NAV2: variants seen among roughly 807,000 people sequenced by gnomAD.
NAV2 encodes the protein helicase, APC down-regulated 1.
A neutral mutation model predicts 223.2 loss-of-function variants in NAV2; 54 were observed. That is an observed-to-expected ratio of 0.24 (90% confidence interval 0.19 to 0.30). The LOEUF (loss-of-function observed/expected upper bound fraction) is 0.30. Ranked by LOEUF, NAV2 falls within the 10% of genes least tolerant of loss-of-function variation. The pLI is 1.00. For synonymous variants in NAV2, 1,279 were observed against 1,239.3 expected (o/e 1.03, Z -0.67); for missense variants, 2,806 against 3,147.5 (o/e 0.89, Z 2.60).
chr11:19,459,607 G>A (rs1226295933), intron 1 of NAV2, among the ~76,000 whole-genome samples: 2 of 152,194 alleles, frequency 1.3e-5, no homozygotes, highest in Non-Finnish European at 2.9e-5. Flanking sequence ...TGTTTCCATA[G>A]AGCCATCTAA....
intron 1 of NAV2, among the ~76,000 whole-genome samples, chr11:19,366,800 A>C (rs930113058): frequency 3.9e-5 from 6 of 152,204 alleles, no homozygotes; most frequent in African/African-American, 1.4e-4. Context: ...GAGAATGTGC[A>C]TAGTGAGATC....
At chr11:19,938,672 G>A (rs928976610) in intron 7 of NAV2, among the ~76,000 whole-genome samples, 2 of 152,174 alleles carry the variant, frequency 1.3e-5, no homozygotes, top group Non-Finnish European at 2.9e-5. Context: ...GTACTCATAA[G>A]GCCTCAGCAG....
chr11:19,546,528 C>T (rs4757005), intron 1 of NAV2, among the ~76,000 whole-genome samples: 1,738 of 152,250 alleles, frequency 0.011, 18 homozygotes, highest in Admixed American at 0.019. Context: ...CAGGGTGGGG[C>T]GGCTTCATGA....
intron 1 of NAV2, among the ~76,000 whole-genome samples, chr11:19,755,208 A>G (rs2054137942): frequency 6.6e-6 from 1 of 152,252 alleles, no homozygotes; most frequent in South Asian, 2.1e-4. Context: ...TCAACTCACC[A>G]CAACAGTCCT....
intron 1 of NAV2, among the ~76,000 whole-genome samples, chr11:19,626,360 G>A (rs2047170596): frequency 6.6e-6 from 1 of 152,126 alleles, no homozygotes; most frequent in Admixed American, 6.6e-5. Flanking sequence ...TAATTTCTGG[G>A]TTCTCTATTC....
chr11:19,793,072 G>T (rs937864253), intron 1 of NAV2, among the ~76,000 whole-genome samples: 1 of 151,904 alleles, frequency 6.6e-6, no homozygotes, highest in African/African-American at 2.4e-5. Context: ...AGCTGGGCAT[G>T]GTGGTGGGCA....
At chr11:19,914,229 G>A (rs145273878) in intron 6 of NAV2, among the ~76,000 whole-genome samples, 345 of 152,334 alleles carry the variant, frequency 2.3e-3, no homozygotes, top group African/African-American at 8.0e-3. Context: ...GGAAGACCCA[G>A]TGTCCTTTTT....
intron 32 of NAV2, among the ~76,000 whole-genome samples, chr11:20,102,031 G>A (rs1270791763): frequency 6.6e-6 from 1 of 152,154 alleles, no homozygotes; most frequent in Non-Finnish European, 1.5e-5. Flanking sequence ...GTTTGAGGCT[G>A]GGTATCTGCA....
intron 1 of NAV2, among the ~76,000 whole-genome samples, chr11:19,427,053 C>T (rs1004674683): frequency 1.3e-5 from 2 of 152,080 alleles, no homozygotes; most frequent in African/African-American, 4.8e-5. Context: ...AGCAGCTGAC[C>T]GGGACACTCT....
rs147374549 is a variant in NAV2 at position 19,686,703 on chromosome 11, C to G, written c.76-145781C>G. 3.4e-3 allele frequency among the ~76,000 whole-genome samples: 514 copies of G among 152,326 alleles called. 4 individuals are homozygous for G. The highest frequency in any genetic ancestry group is 0.011 in the African/African-American group (469 of 41,570). ...GCAGCATGTTATCATGGAGAGAGCT[C>G]CACAGTCCTAGACTCGAGGAGGCCC... On this transcript the variant is annotated intron_variant, in intron 1 of 37. Coordinates refer to the NAV2 transcript ENST00000360655.
chr11:19,944,541 C>T (rs1012346155), intron 8 of NAV2, among the ~76,000 whole-genome samples: 6 of 148,552 alleles, frequency 4.0e-5, no homozygotes, highest in East Asian at 2.0e-4. Context: ...CTTTCCATTC[C>T]GTTCCATTTC....
intron 1 of NAV2, among the ~76,000 whole-genome samples, chr11:19,619,161 A>G (rs1439101456): frequency 2.6e-5 from 4 of 151,196 alleles, no homozygotes; most frequent in African/African-American, 9.7e-5. Context: ...TCTATCATTG[A>G]TGGGCATTTG....
chr11:19,472,706 A>T (rs2042001396), intron 1 of NAV2, among the ~76,000 whole-genome samples: 1 of 152,118 alleles, frequency 6.6e-6, no homozygotes, highest in South Asian at 2.1e-4. Context: ...TCCTCCCTTG[A>T]TGCTGTTTCC....
chr11:19,820,555 CCAGGGAGTTTA>C (rs2059317011), intron 1 of NAV2, among the ~76,000 whole-genome samples: 2 of 152,150 alleles, frequency 1.3e-5, no homozygotes, highest in South Asian at 4.1e-4. Flanking sequence ...ATTTGATTTT[CCAGGGAGTTTA>C]CAGGGAGAGC....
chr11:20,096,516 A>T (rs1303224523), intron 30 of NAV2, among the ~76,000 whole-genome samples: 1 of 152,178 alleles, frequency 6.6e-6, no homozygotes, highest in African/African-American at 2.4e-5. Flanking sequence ...ATATTATCCC[A>T]TTTAAAGGTG....
chr11:19,499,704 T>C lies in NAV2; in HGVS notation c.75+148677T>C, dbSNP rs373875371. Among the ~76,000 whole-genome samples, 184 of 152,268 alleles carry C rather than the reference T, an allele frequency of 1.2e-3. 7 individuals are homozygous for C. In the South Asian group the frequency reaches 0.038, roughly 31 times the overall value. The stretch of plus-strand genomic sequence containing the variant: ...GGGTTATTGTGTAGAGTAAATGTGA[T>C]AATATAAGGTTCACAGCTATATCCT... On this transcript the variant is annotated intron_variant, in intron 1 of 37. Coordinates refer to the NAV2 transcript ENST00000360655.
intron 1 of NAV2, among the ~76,000 whole-genome samples, chr11:19,827,305 A>T (rs7944996): frequency 0.98 from 149,918 of 152,230 alleles, 73,844 homozygotes; most frequent in East Asian, 1. Flanking sequence ...GCCACAGGTC[A>T]CTCGGTCACA....
At chr11:19,818,769 G>A (rs1444930123) in intron 1 of NAV2, among the ~76,000 whole-genome samples, 1 of 152,180 alleles carries the variant, frequency 6.6e-6, no homozygotes, top group Non-Finnish European at 1.5e-5. Flanking sequence ...TCTCATGGCA[G>A]TGTTACTTAC....
At chr11:19,366,756 A>C (rs1381908728) in intron 1 of NAV2, among the ~76,000 whole-genome samples, 1 of 152,172 alleles carries the variant, frequency 6.6e-6, no homozygotes, top group Admixed American at 6.5e-5. Context: ...AGGAGAGAGC[A>C]CCAAGGCTGT....
Sources: allele counts gnomAD v4.1 joint callset (sites outside exome capture counted in the v4.1 genomes callset), GRCh38; gene constraint gnomAD v4.1.1; transcripts MANE v1.5; gene names NCBI Gene and HGNC (gene_info 2026-07-23, HGNC 2026-07-21).